SYNPO2: variants seen among roughly 807,000 people sequenced by gnomAD.
The protein encoded by SYNPO2 is synaptopodin 2.
SYNPO2 carries 56 observed loss-of-function variants against 85.0 expected under a neutral mutation model. That is an observed-to-expected ratio of 0.66 (90% CI 0.53 to 0.82). The LOEUF (loss-of-function observed/expected upper bound fraction) is 0.82, where lower values mean the gene tolerates loss of function less well. Among genes scored for constraint, SYNPO2 ranks in the 40% least tolerant of loss-of-function variants. SYNPO2 has a pLI of 0.00. For synonymous variants in SYNPO2, 602 were observed against 591.1 expected (o/e 1.02, Z -0.27); for missense variants, 1,575 against 1,534.2 (o/e 1.03, Z -0.44).
intron 1 of SYNPO2, among the ~76,000 whole-genome samples, chr4:118,930,703 C>G (rs1301060836): frequency 6.7e-6 from 1 of 149,614 alleles, no homozygotes; most frequent in Admixed American, 6.7e-5. Context: ...TTGCTTGAGC[C>G]CAGGAGTTCA....
intron 1 of SYNPO2, among the ~76,000 whole-genome samples, chr4:118,879,886 C>A (rs1486188407): frequency 6.6e-6 from 1 of 152,058 alleles, no homozygotes; most frequent in Non-Finnish European, 1.5e-5. Flanking sequence ...ACCCTGCAAC[C>A]GTTTGCCTCT....
At chr4:118,975,486 G>A (rs1052340132) in intron 1 of SYNPO2, among the ~76,000 whole-genome samples, 2 of 152,178 alleles carry the variant, frequency 1.3e-5, no homozygotes, top group Non-Finnish European at 2.9e-5. Context: ...CACACAGACA[G>A]GACTTGGGAT....
chr4:118,962,939 G>T lies in SYNPO2; in HGVS notation c.106-60491G>T, dbSNP rs566705085. Among the ~76,000 whole-genome samples, 6 of 152,308 alleles carry T rather than the reference G, an allele frequency of 3.9e-5. No homozygotes were observed. The East Asian group carries it at 9.6e-4, about 24-fold the overall frequency. ...AAGACCAGGTGGAATTGTGGGTGCA[G>T]CCATGATATAAGAACTATACTGCAG... On this transcript the variant is annotated intron_variant, in intron 1 of 4. Transcript: ENST00000307142.
chr4:118,948,608 G>A (rs1734584776), intron 1 of SYNPO2, among the ~76,000 whole-genome samples: 1 of 152,168 alleles, frequency 6.6e-6, no homozygotes, highest in Non-Finnish European at 1.5e-5. Flanking sequence ...ACCTCAGGAA[G>A]CTTTCAAACA....
intron 1 of SYNPO2, among the ~76,000 whole-genome samples, chr4:118,973,157 T>C (rs567696270): frequency 3.3e-5 from 5 of 152,330 alleles, no homozygotes; most frequent in African/African-American, 1.2e-4. Context: ...AAGTCAGAAT[T>C]ATAGAATTAG....
At chr4:119,038,624 T>C (rs1738610342) in intron 4 of SYNPO2, 1 of 911,764 alleles carries the variant, frequency 1.1e-6, no homozygotes, top group African/African-American at 1.8e-5. Context: ...ACTAAACCAA[T>C]AATAACTTAA....
chr4:118,955,277 G>C (rs561741061), intron 1 of SYNPO2, among the ~76,000 whole-genome samples: 16 of 152,278 alleles, frequency 1.1e-4, no homozygotes, highest in African/African-American at 3.8e-4. Context: ...TGGGATCACA[G>C]GTGTGAGCCG....
intron 4 of SYNPO2, chr4:119,032,753 T>A: frequency 2.2e-6 from 2 of 894,428 alleles, no homozygotes; most frequent in Non-Finnish European, 1.3e-6. Context: ...GGTATGGTGG[T>A]TCATGCCTGG....
chr4:118,973,905 A>G (rs545167714), intron 1 of SYNPO2, among the ~76,000 whole-genome samples: 5 of 152,350 alleles, frequency 3.3e-5, no homozygotes, highest in African/African-American at 1.2e-4. Context: ...CACTCAGAAC[A>G]TAGTTTAACA....
At chr4:119,021,987 T>C (rs1195105962) in intron 1 of SYNPO2, among the ~76,000 whole-genome samples, 1 of 152,264 alleles carries the variant, frequency 6.6e-6, no homozygotes, top group Non-Finnish European at 1.5e-5. Context: ...ACAGTGCTTA[T>C]GGCAGGGCTG....
chr4:118,943,001 G>A (rs539749586), intron 1 of SYNPO2, among the ~76,000 whole-genome samples: 1 of 152,064 alleles, frequency 6.6e-6, no homozygotes, highest in African/African-American at 2.4e-5. Context: ...CAGCTACTTG[G>A]GAGGCTGAGG....
intron 4 of SYNPO2, chr4:119,035,947 G>T (rs745309202): frequency 8.9e-5 from 88 of 985,144 alleles, no homozygotes; most frequent in Non-Finnish European, 1.1e-4. Flanking sequence ...GAGGCATGTC[G>T]AACACTCTGT....
intron 1 of SYNPO2, among the ~76,000 whole-genome samples, chr4:118,961,898 A>G (rs1353494635): frequency 6.6e-6 from 1 of 152,212 alleles, no homozygotes; most frequent in Non-Finnish European, 1.5e-5. Flanking sequence ...TTTTCAGTAT[A>G]TGGCTCTTTA....
At chr4:119,022,088 C>T (rs1578650609) in intron 1 of SYNPO2, among the ~76,000 whole-genome samples, 1 of 152,202 alleles carries the variant, frequency 6.6e-6, no homozygotes, top group East Asian at 1.9e-4. Flanking sequence ...TTCAATGAAG[C>T]ATTTCTCTCT....
chr4:118,967,678 G>T (rs1043400503), intron 1 of SYNPO2, among the ~76,000 whole-genome samples: 9 of 152,156 alleles, frequency 5.9e-5, no homozygotes, highest in Admixed American at 3.9e-4. Flanking sequence ...GGACAAAAAG[G>T]TTCCATGTTT....
At chr4:118,999,344 G>C (rs756314977) in intron 1 of SYNPO2, among the ~76,000 whole-genome samples, 1 of 151,922 alleles carries the variant, frequency 6.6e-6, no homozygotes, top group Non-Finnish European at 1.5e-5. Flanking sequence ...TAGAGACGGG[G>C]TTTCATCATG....
Position 118,945,864 on chromosome 4 carries a change from G to A in SYNPO2, c.105+56723G>A, listed in dbSNP as rs556064414. 5.3e-5 allele frequency among the ~76,000 whole-genome samples: 8 copies of A among 152,102 alleles called. 1 individual carries two copies. Among genetic ancestry groups the A allele is most frequent in the African/African-American group, 1.9e-4 (8 of 41,464 alleles). On this transcript the variant is annotated intron_variant, in intron 1 of 4. Coordinates refer to ENST00000307142, the MANE Select transcript of SYNPO2 (RefSeq NM_133477.3). ...GGATTCAAGCAATTCTCCTGCCTCA[G>A]CCTCCCGAGTAGCTAGGACTGCAGG...
intron 1 of SYNPO2, among the ~76,000 whole-genome samples, chr4:118,853,045 A>G (rs1731446068): frequency 1.3e-5 from 2 of 152,214 alleles, no homozygotes; most frequent in Non-Finnish European, 2.9e-5. Flanking sequence ...TTTTTACTTG[A>G]AAGCTCAAGT....
At chr4:118,946,239 A>C (rs1308428230) in intron 1 of SYNPO2, among the ~76,000 whole-genome samples, 1 of 152,240 alleles carries the variant, frequency 6.6e-6, no homozygotes, top group African/African-American at 2.4e-5. Flanking sequence ...TCCAGATGCC[A>C]TAACCTTAAA....
Sources: allele counts gnomAD v4.1 joint callset (sites outside exome capture counted in the v4.1 genomes callset), GRCh38; gene constraint gnomAD v4.1.1; transcripts MANE v1.5; gene names NCBI Gene and HGNC (gene_info 2026-07-23, HGNC 2026-07-21).